The following THSD4 variants were observed in gnomAD, a reference collection of about 807,000 sequenced individuals.
THSD4 encodes the protein thrombospondin type 1 domain containing 4, also known as thrombospondin type-1 domain-containing protein 4.
A neutral mutation model predicts 119.0 loss-of-function variants in THSD4; 69 were observed. The observed-to-expected ratio is 0.58, with a 90% CI of 0.48 to 0.71. The LOEUF is 0.71. Ranked by LOEUF, THSD4 falls within the 30% of genes least tolerant of loss-of-function variation. The probability of loss-of-function intolerance (pLI) is 0.00; values close to 1 mark genes in which losing one functional copy is unlikely to be tolerated. For synonymous variants in THSD4, 524 were observed against 540.4 expected, an observed-to-expected ratio of 0.97 and a Z score of 0.42; for missense variants, 1,393 against 1,391.1, an observed-to-expected ratio of 1.00 and a Z score of -0.02.
chr15:71,746,807 T>G, intron 12 of THSD4, 31 bp from the exon 13 acceptor site: 1 of 1,609,084 alleles, frequency 6.2e-7, no homozygotes, highest in Non-Finnish European at 8.5e-7. Context: ...GAAGGTTGTC[T>G]CTCACTCTCG....
chr15:71,572,266 G>T (rs1418391057), intron 7 of THSD4, among the ~76,000 whole-genome samples: 3 of 152,182 alleles, frequency 2.0e-5, no homozygotes, highest in African/African-American at 7.2e-5. Flanking sequence ...CAGTTTTCCT[G>T]TATCATTAAA....
intron 7 of THSD4, among the ~76,000 whole-genome samples, chr15:71,440,589 T>A (rs908551989): frequency 6.6e-5 from 10 of 152,204 alleles, no homozygotes; most frequent in African/African-American, 2.4e-4. Flanking sequence ...TGTTCCTGCT[T>A]TTATAGATCA....
rs565758176 is a variant in THSD4, at chr15:71,164,310, A to G, written c.99+9378A>G. Among the ~76,000 whole-genome samples the G allele has an allele frequency of 2.0e-5, 3 of 152,168 alleles. No individual in the cohort carries two copies. In the East Asian group the frequency reaches 5.8e-4, roughly 29 times the overall value. ...GACCTATGAAAAGGACAACAATACT[A>G]ATAAAAAAATTGTATTTACTTAGAA... On this transcript the variant is annotated intron_variant, in intron 3 of 17. Coordinates refer to ENST00000261862, the MANE Select transcript of THSD4 (RefSeq NM_024817.3).
intron 8 of THSD4, among the ~76,000 whole-genome samples, chr15:71,703,954 ATTC>A (rs1386906354): frequency 2.6e-5 from 4 of 152,074 alleles, no homozygotes; most frequent in Non-Finnish European, 5.9e-5. Flanking sequence ...GGTTCACGCC[ATTC>A]TTCTGCCTCA....
chr15:71,764,906 T>G (rs1436836907), intron 15 of THSD4, 114 bp from the exon 16 acceptor site: 1 of 1,329,268 alleles, frequency 7.5e-7, no homozygotes, highest in Non-Finnish European at 1.0e-6. Context: ...GGGTTCTTCC[T>G]CCTAGAATTG....
At chr15:71,759,427 A>G (rs1477593381) in intron 15 of THSD4, among the ~76,000 whole-genome samples, 1 of 152,168 alleles carries the variant, frequency 6.6e-6, no homozygotes, top group Non-Finnish European at 1.5e-5. Context: ...AATCATATCA[A>G]CCTCTTAAGG....
At chr15:71,377,648 A>G (rs2046157163) in intron 6 of THSD4, among the ~76,000 whole-genome samples, 1 of 152,038 alleles carries the variant, frequency 6.6e-6, no homozygotes, top group Non-Finnish European at 1.5e-5. Flanking sequence ...CTGTGGGTTT[A>G]GAGACAACAC....
At chr15:71,708,545 A>G (rs866069225) in intron 8 of THSD4, among the ~76,000 whole-genome samples, 1 of 152,230 alleles carries the variant, frequency 6.6e-6, no homozygotes, top group African/African-American at 2.4e-5. Context: ...ATATCATTTA[A>G]GTGTCAGCTG....
rs756198492 is a variant in THSD4 at position 71,450,988 on chromosome 15, G to C, written c.1152+39165G>C. Reference sequence around the variant, plus strand: ...AGGTCAGGAGTTTGAGACCAGCCTGGTCAACATGGCGAAACACCGTCTCCA... The same window carrying C: ...AGGTCAGGAGTTTGAGACCAGCCTGCTCAACATGGCGAAACACCGTCTCCA... On this transcript the variant is annotated intron_variant, in intron 7 of 17. Coordinates refer to ENST00000261862, the MANE Select transcript of THSD4 (RefSeq NM_024817.3). Among the ~76,000 whole-genome samples, 25 of 152,310 alleles carry C rather than the reference G, an allele frequency of 1.6e-4. 2 individuals carry two copies. Among genetic ancestry groups the C allele is most frequent in the Admixed American group, 5.2e-4 (8 of 15,302 alleles).
intron 17 of THSD4, among the ~76,000 whole-genome samples, chr15:71,776,301 G>A (rs972792946): frequency 1.3e-5 from 2 of 152,182 alleles, no homozygotes; most frequent in Non-Finnish European, 2.9e-5. Flanking sequence ...ACAGGCTGAA[G>A]AAGATATTTG....
At chr15:71,179,873 T>G (rs1448530568) in intron 3 of THSD4, among the ~76,000 whole-genome samples, 2 of 29,770 alleles carry the variant, frequency 6.7e-5, no homozygotes, top group Non-Finnish European at 1.6e-4. Flanking sequence ...ATCATCATTC[T>G]CAGTAAACTA....
In THSD4 at chr15:71,575,799, G is replaced by T. The variant is rs146082144; in HGVS notation, c.1153-84731G>T. Among the ~76,000 whole-genome samples the T allele has an allele frequency of 7.1e-3, 1,083 of 152,160 alleles. 7 individuals carry two copies. The highest frequency in any genetic ancestry group is 0.011 in the Non-Finnish European group (729 of 68,008). ...AACAACAAAAAAGTCTACTTTATAT[G>T]GTGTTGAGTGTACAAATATTTGGCA... On this transcript the variant is annotated intron_variant, in intron 7 of 17. Transcript: ENST00000261862.
chr15:71,311,996 A>C (rs2140350703), intron 6 of THSD4, among the ~76,000 whole-genome samples: 1 of 152,220 alleles, frequency 6.6e-6, no homozygotes, highest in African/African-American at 2.4e-5. Context: ...CACTGAAGGC[A>C]GTTATCTTTT....
intron 7 of THSD4, among the ~76,000 whole-genome samples, chr15:71,636,462 A>G (rs1449610729): frequency 6.6e-6 from 1 of 152,082 alleles, no homozygotes; most frequent in East Asian, 1.9e-4. Flanking sequence ...TAGCTGCCTC[A>G]TGGGCTACTA....
rs531098946 is a variant in THSD4, at chr15:71,245,080, C to T, written c.912+1984C>T. 3.3e-5 allele frequency among the ~76,000 whole-genome samples: 5 copies of T among 152,270 alleles called. No individual in the cohort carries two copies. The South Asian group carries it at 1.0e-3, about 32-fold the overall frequency. ...TGGGGTAATGGCACCACTGAGGAGACTGTATTGCAAGGAATCCCAGGAAAT... is the reference window on the plus strand; with the variant it reads ...TGGGGTAATGGCACCACTGAGGAGATTGTATTGCAAGGAATCCCAGGAAAT... On this transcript the variant is annotated intron_variant, in intron 5 of 17. Transcript: ENST00000261862.
intron 7 of THSD4, among the ~76,000 whole-genome samples, chr15:71,652,250 C>T (rs529506056): frequency 1.3e-5 from 2 of 152,274 alleles, no homozygotes; most frequent in African/African-American, 2.4e-5. Flanking sequence ...ACCCATCCCA[C>T]GTGGTTTTTT....
At chr15:71,461,163 CTG>C (rs2047423943) in intron 7 of THSD4, among the ~76,000 whole-genome samples, 1 of 152,172 alleles carries the variant, frequency 6.6e-6, no homozygotes, top group African/African-American at 2.4e-5. Context: ...GAAGGCTTAA[CTG>C]GGGCTGGAAG....
At position 71,780,244 on chromosome 15, in the gene THSD4, T is replaced by C. The variant is rs1173473912; in HGVS notation, c.*2870T>C. 5 of 153,094 alleles carry C rather than the reference T, an allele frequency of 3.3e-5. No homozygotes were observed. Among genetic ancestry groups the C allele is most frequent in the African/African-American group, 1.2e-4 (5 of 41,476 alleles). 9.5% of individuals were successfully genotyped at this position (153,094 alleles called of 1,614,324 possible). A position where few individuals can be genotyped will look rare whatever the true frequency, so the allele number is the denominator to read the frequency against. On this transcript the variant is annotated 3_prime_UTR_variant, in exon 18 of 18. Transcript: ENST00000261862. Reference sequence around the variant, plus strand: ...GTAATGTGGAATTGATATTTACATTTTGATACGGTTTTTTTCTTGGCCTGT... The same window carrying C: ...GTAATGTGGAATTGATATTTACATTCTGATACGGTTTTTTTCTTGGCCTGT...
At chr15:71,522,600 C>T (rs1011365899) in intron 7 of THSD4, among the ~76,000 whole-genome samples, 3 of 152,138 alleles carry the variant, frequency 2.0e-5, no homozygotes, top group South Asian at 4.2e-4. Flanking sequence ...TTCTGGATGT[C>T]ATGGTTGTCA....
Sources: gnomAD v4.1 joint callset for allele counts (sites outside exome capture counted in the v4.1 genomes callset) on GRCh38, gnomAD v4.1.1 for gene constraint, MANE v1.5 for transcripts, NCBI Gene and HGNC (gene_info 2026-07-23, HGNC 2026-07-21) for gene names.